MCMDC2: variants seen among roughly 807,000 people sequenced by gnomAD.
The protein encoded by MCMDC2 is minichromosome maintenance domain containing 2.
A neutral mutation model predicts 75.8 loss-of-function variants in MCMDC2; 54 were observed. That is an observed-to-expected ratio of 0.71 (90% CI 0.57 to 0.89). The LOEUF is 0.89. Among genes scored for constraint, MCMDC2 ranks in the 40% least tolerant of loss-of-function variants. MCMDC2 has a pLI of 0.00. For missense variants in MCMDC2, 656 were observed against 780.4 expected (o/e 0.84, Z 1.90); for synonymous variants, 249 against 274.6 (o/e 0.91, Z 0.92).
downstream of MCMDC2, among the ~76,000 whole-genome samples, chr8:66,923,214 G>A (rs116560047): frequency 7.2e-3 from 1,098 of 152,172 alleles, 11 homozygotes; most frequent in African/African-American, 0.025. Context: ...ACATTATAAC[G>A]GCAAACCTAG....
rs199657671 is a variant in MCMDC2 at position 66,897,960 on chromosome 8, T to C, written c.1626+1001T>C. Among the ~76,000 whole-genome samples the C allele has an allele frequency of 6.6e-5, 10 of 152,280 alleles. No homozygotes were observed. The East Asian group carries it at 1.7e-3, about 26-fold the overall frequency. ...TCATTAAAATTTTTTTTCATATCTATCTTCCTTGTGAGCATACTGCATGAG... is the reference window on the plus strand; with the variant it reads ...TCATTAAAATTTTTTTTCATATCTACCTTCCTTGTGAGCATACTGCATGAG... On this transcript the variant is annotated intron_variant, in intron 12 of 14. Transcript: ENST00000422365.
intron 14 of MCMDC2, among the ~76,000 whole-genome samples, chr8:66,908,565 T>C (rs780423299): frequency 1.3e-5 from 2 of 152,152 alleles, no homozygotes; most frequent in African/African-American, 2.4e-5. Flanking sequence ...TGAAGAATTA[T>C]AGTATTATTA....
intron 9 of MCMDC2, among the ~76,000 whole-genome samples, chr8:66,890,452 A>G (rs924149242): frequency 6.6e-6 from 1 of 151,476 alleles, no homozygotes; most frequent in South Asian, 2.1e-4. Flanking sequence ...TACTTATCAC[A>G]TTGTGTTTTA....
rs904746021 is a variant in MCMDC2 at position 66,919,841 on chromosome 8, G to T, written c.*672G>T. The T allele has an allele frequency of 2.6e-5, 4 of 152,118 alleles. No homozygotes were observed. The highest frequency in any genetic ancestry group is 9.7e-5 in the African/African-American group (4 of 41,418). 9.4% of individuals were successfully genotyped at this position (152,118 alleles called of 1,614,324 possible). A position where few individuals can be genotyped will look rare whatever the true frequency, so the allele number is the denominator to read the frequency against. ...TAAATTGGCTCTCTAACCCTAACTG[G>T]TTACAAGAAAGGCTCCAAAAGGCAA... On this transcript the variant is annotated 3_prime_UTR_variant, in exon 15 of 15. Transcript: ENST00000422365.
chr8:66,880,721 T>C (rs779314734), intron 7 of MCMDC2, 128 bp from the exon 8 acceptor site: 13 of 963,236 alleles, frequency 1.3e-5, no homozygotes, highest in Non-Finnish European at 1.7e-5. Flanking sequence ...GATATTATCC[T>C]AAACAAAAGT....
chr8:66,895,616 C>T (rs1337260354), intron 10 of MCMDC2, among the ~76,000 whole-genome samples: 2 of 152,052 alleles, frequency 1.3e-5, no homozygotes, highest in African/African-American at 4.8e-5. Context: ...CCAGGCTGGT[C>T]TCAAACTCCT....
At chr8:66,880,145 ATG>A (rs1007387691) in intron 7 of MCMDC2, among the ~76,000 whole-genome samples, 9 of 152,188 alleles carry the variant, frequency 5.9e-5, no homozygotes, top group Admixed American at 4.6e-4. Context: ...GCAAACCTAA[ATG>A]TGAATTTCAG....
chr8:66,900,674 CA>C (rs140919176), intron 12 of MCMDC2, among the ~76,000 whole-genome samples: 1 of 151,412 alleles, frequency 6.6e-6, no homozygotes, highest in East Asian at 1.9e-4. Flanking sequence ...GCACAAAACT[CA>C]AAAAAAACAG....
chr8:66,899,679 G>T (rs555869377), intron 12 of MCMDC2, among the ~76,000 whole-genome samples: 1 of 151,692 alleles, frequency 6.6e-6, no homozygotes, highest in Non-Finnish European at 1.5e-5. Context: ...TGTATTTTTA[G>T]TAGAGACAGG....
chr8:66,882,634 A>C (rs2130805502), intron 8 of MCMDC2, among the ~76,000 whole-genome samples: 1 of 152,228 alleles, frequency 6.6e-6, no homozygotes. Flanking sequence ...AAAGTGCTGG[A>C]ATTACAGGCA....
chr8:66,877,838 C>A (rs1192922056), intron 5 of MCMDC2, among the ~76,000 whole-genome samples: 1 of 145,508 alleles, frequency 6.9e-6, no homozygotes, highest in Non-Finnish European at 1.5e-5. Flanking sequence ...ATACTCCAGC[C>A]TGGATGACAA....
intron 13 of MCMDC2, among the ~76,000 whole-genome samples, chr8:66,902,741 T>TATATATAC (rs1290006413): frequency 1.5e-5 from 2 of 133,106 alleles, no homozygotes; most frequent in African/African-American, 5.6e-5. Flanking sequence ...TATATATATA[T>TATATATAC]ACATATATCT....
intron 14 of MCMDC2, among the ~76,000 whole-genome samples, chr8:66,906,421 T>C (rs1486572003): frequency 6.6e-6 from 1 of 152,242 alleles, no homozygotes; most frequent in Non-Finnish European, 1.5e-5. Flanking sequence ...TAAAGTTCTA[T>C]AAATTGTTCT....
At chr8:66,918,902 T>C (rs1441888080) in intron 14 of MCMDC2, 101 bp from the exon 15 acceptor site, 7 of 1,077,520 alleles carry the variant, frequency 6.5e-6, no homozygotes, top group Non-Finnish European at 8.8e-6. Flanking sequence ...TCAGACTTAA[T>C]TTTTAAGATT....
rs750844435 is a variant in MCMDC2, at chr8:66,905,226, C to T, written c.1770C>T (p.Leu590=). ...CTTTGGCAACTATTTTCTTTTTTAGCGTTTTCCTATCTGAAGCCCATGCAC... is the reference window on the plus strand; with the variant it reads ...CTTTGGCAACTATTTTCTTTTTTAGTGTTTTCCTATCTGAAGCCCATGCAC... ...SKLSASALKY[L]VFLSEAHARL... Residue 590 remains leucine, a splice_region_variant and synonymous_variant, in exon 14 of 15, where the codon CTC becomes CTT. Coordinates refer to ENST00000422365, the MANE Select transcript of MCMDC2 (RefSeq NM_173518.5). The T allele has an allele frequency of 3.9e-5, 55 of 1,417,696 alleles. 2 individuals carry two copies. In the South Asian group the frequency reaches 5.7e-4, roughly 15 times the overall value. 87.8% of individuals were successfully genotyped at this position (1,417,696 alleles called of 1,614,324 possible). A position where few individuals can be genotyped will look rare whatever the true frequency, so the allele number is the denominator to read the frequency against.
At chr8:66,897,066 C>T (rs1812389671) in intron 12 of MCMDC2, 107 bp downstream of exon 12, 1 of 1,062,020 alleles carries the variant, frequency 9.4e-7, no homozygotes, top group African/African-American at 1.7e-5. Flanking sequence ...TTCTTTTATT[C>T]CATCTTGGTT....
At position 66,870,831 on chromosome 8, in the gene MCMDC2, G is replaced by T. The variant is rs1810977002; in HGVS notation, c.-89G>T. The T allele has an allele frequency of 6.6e-6, 1 of 152,294 alleles. No individual in the cohort carries two copies. The highest frequency in any genetic ancestry group is 1.5e-5 in the Non-Finnish European group (1 of 68,084). 9.4% of individuals were successfully genotyped at this position (152,294 alleles called of 1,614,324 possible). On this transcript the variant is annotated splice_region_variant and 5_prime_UTR_variant, in exon 1 of 15. In the 5' UTR this introduces an upstream ATG that the reference lacks. Transcript: ENST00000422365. ...AACCGCCAAGCTTGGTGGGAGTCAA[G>T]GTGAGTGCAAAGCACTACAGCGCTG...
intron 5 of MCMDC2, 69 bp downstream of exon 5, chr8:66,877,613 C>G: frequency 8.4e-7 from 1 of 1,189,656 alleles, no homozygotes; most frequent in Non-Finnish European, 1.2e-6. Flanking sequence ...ACCTGTAATC[C>G]CTGCACTTTG....
At chr8:66,907,313 G>T (rs539947884) in intron 14 of MCMDC2, among the ~76,000 whole-genome samples, 2 of 152,220 alleles carry the variant, frequency 1.3e-5, no homozygotes, top group Non-Finnish European at 1.5e-5. Context: ...ACTTATGAAT[G>T]AGAATATGTG....
Sources: gnomAD v4.1 joint callset for allele counts (sites outside exome capture counted in the v4.1 genomes callset) on GRCh38, gnomAD v4.1.1 for gene constraint, MANE v1.5 for transcripts, NCBI Gene and HGNC (gene_info 2026-07-23, HGNC 2026-07-21) for gene names.